Variants in SLC39A11 observed in about 807,000 individuals in gnomAD.
SLC39A11 encodes the protein solute carrier family 39 member 11.
SLC39A11 carries 33 observed loss-of-function variants against 36.1 expected under a neutral mutation model. The observed-to-expected ratio is 0.91, with a 90% confidence interval of 0.69 to 1.22. SLC39A11 has a LOEUF of 1.22. SLC39A11 is among the 50% of genes most tolerant of loss of function. SLC39A11 has a pLI of 0.00. For missense variants in SLC39A11, 432 were observed against 430.3 expected (o/e 1.00, Z -0.03); for synonymous variants, 166 against 170.3 (o/e 0.97, Z 0.20).
At chr17:72,744,209 T>C (rs1372793065) in intron 6 of SLC39A11, among the ~76,000 whole-genome samples, 2 of 152,232 alleles carry the variant, frequency 1.3e-5, no homozygotes, top group Non-Finnish European at 2.9e-5. Context: ...ACAGGATGGC[T>C]GTGTTCAATG....
intron 4 of SLC39A11, among the ~76,000 whole-genome samples, chr17:72,954,518 C>T (rs1277439227): frequency 4.6e-5 from 7 of 152,174 alleles, no homozygotes; most frequent in African/African-American, 1.7e-4. Context: ...TGCCTGGGGC[C>T]CAGCATAGGT....
rs377743641 is a variant in SLC39A11 at position 72,677,007 on chromosome 17, G to A, written c.672-27739C>T. On this transcript the variant is annotated intron_variant, in intron 7 of 9. Transcript: ENST00000255559. Reference sequence around the variant, plus strand: ...TTTTCTTTGCTGCTTTTGCTTTGTAGCTTCTCACTAGAATACATCTCAGCT... The same window carrying A: ...TTTTCTTTGCTGCTTTTGCTTTGTAACTTCTCACTAGAATACATCTCAGCT... Among the ~76,000 whole-genome samples the A allele has an allele frequency of 1.1e-3, 173 of 152,286 alleles. 1 individual carries two copies. Among genetic ancestry groups the A allele is most frequent in the African/African-American group, 3.8e-3 (159 of 41,544 alleles).
rs373410720 is a variant in SLC39A11 at position 72,717,743 on chromosome 17, T to A, written c.671+18907A>T. Among the ~76,000 whole-genome samples the A allele has an allele frequency of 9.2e-5, 14 of 152,352 alleles. No individual in the cohort carries two copies. The East Asian group carries it at 2.7e-3, about 29-fold the overall frequency. On this transcript the variant is annotated intron_variant, in intron 7 of 9. Coordinates refer to ENST00000255559, the MANE Select transcript of SLC39A11 (RefSeq NM_139177.4). ...CAGGTCCTGGGGATTAAGACTTCCATACCTTTCTGGGGTGCATGACTTCAG... is the reference window on the plus strand; with the variant it reads ...CAGGTCCTGGGGATTAAGACTTCCAAACCTTTCTGGGGTGCATGACTTCAG...
At chr17:73,077,901 T>A (rs1033717998) in intron 3 of SLC39A11, among the ~76,000 whole-genome samples, 19 of 152,208 alleles carry the variant, frequency 1.2e-4, no homozygotes, top group African/African-American at 4.3e-4. Flanking sequence ...TGTTTTATTT[T>A]GGTTTTTGTC....
chr17:72,932,122 T>C (rs1260477808), intron 5 of SLC39A11, among the ~76,000 whole-genome samples: 1 of 152,074 alleles, frequency 6.6e-6, no homozygotes, highest in Non-Finnish European at 1.5e-5. Context: ...TAACATTCAT[T>C]GAGAGCATAC....
chr17:72,668,836 A>T (rs1354599596), intron 7 of SLC39A11, among the ~76,000 whole-genome samples: 3 of 152,338 alleles, frequency 2.0e-5, no homozygotes, highest in East Asian at 3.9e-4. Context: ...CCCTGTTGAA[A>T]ACTGCATCCT....
At position 73,069,479 on chromosome 17, in the gene SLC39A11, C is replaced by T. The variant is rs1372397007; in HGVS notation, c.147+15329G>A. Among the ~76,000 whole-genome samples the T allele has an allele frequency of 2.0e-5, 3 of 152,202 alleles. No homozygotes were observed. The East Asian group carries it at 5.8e-4, about 29-fold the overall frequency. ...CTCCCACATTCTGAGCAGCTGTTCT[C>T]CAAAGAAAGAAACAAATGGTTATTC... On this transcript the variant is annotated intron_variant, in intron 3 of 9. Coordinates refer to ENST00000255559, the MANE Select transcript of SLC39A11 (RefSeq NM_139177.4).
chr17:72,751,648 G>T (rs757391708), intron 6 of SLC39A11, among the ~76,000 whole-genome samples: 4 of 152,024 alleles, frequency 2.6e-5, no homozygotes, highest in Non-Finnish European at 5.9e-5. Context: ...CATGATCTCA[G>T]CTCACTGCAA....
intron 5 of SLC39A11, among the ~76,000 whole-genome samples, chr17:72,880,480 G>C (rs1332485302): frequency 6.6e-6 from 1 of 152,128 alleles, no homozygotes; most frequent in Non-Finnish European, 1.5e-5. Context: ...ACTGATGTGT[G>C]AGGATAACTT....
intron 7 of SLC39A11, among the ~76,000 whole-genome samples, chr17:72,677,665 G>T (rs1437693403): frequency 6.6e-6 from 1 of 152,170 alleles, no homozygotes; most frequent in Non-Finnish European, 1.5e-5. Flanking sequence ...GTTTGTTAAA[G>T]CACAGACCGT....
intron 7 of SLC39A11, among the ~76,000 whole-genome samples, chr17:72,691,475 G>A (rs1299412394): frequency 6.6e-6 from 1 of 152,188 alleles, no homozygotes; most frequent in Non-Finnish European, 1.5e-5. Flanking sequence ...TCACTTGACA[G>A]TTACTTACTG....
At chr17:72,963,031 C>T (rs2147946537) in intron 4 of SLC39A11, among the ~76,000 whole-genome samples, 1 of 152,258 alleles carries the variant, frequency 6.6e-6, no homozygotes, top group African/African-American at 2.4e-5. Flanking sequence ...GCCAGGCCCA[C>T]CCAGGATAAT....
At chr17:72,670,018 G>GTATAGATGTATATACACATATATATACA (rs2070934118) in intron 7 of SLC39A11, among the ~76,000 whole-genome samples, 2 of 137,800 alleles carry the variant, frequency 1.5e-5, no homozygotes, top group African/African-American at 2.7e-5. Flanking sequence ...ATATATATAC[G>GTATAGATGTATATACACATATATATACA]TATAGATGTA....
At chr17:72,847,811 G>A (rs1335129154) in intron 6 of SLC39A11, among the ~76,000 whole-genome samples, 1 of 152,136 alleles carries the variant, frequency 6.6e-6, no homozygotes, top group Admixed American at 6.6e-5. Flanking sequence ...CAGAAGACAA[G>A]GGATCAACAT....
chr17:72,938,408 T>G (rs1378848153), intron 5 of SLC39A11, among the ~76,000 whole-genome samples: 5 of 152,224 alleles, frequency 3.3e-5, no homozygotes, highest in Non-Finnish European at 2.9e-5. Context: ...TTCCAGTAAC[T>G]GCTGTCAATT....
intron 3 of SLC39A11, among the ~76,000 whole-genome samples, chr17:73,079,621 A>G (rs1018476684): frequency 6.6e-6 from 1 of 152,210 alleles, no homozygotes; most frequent in East Asian, 1.9e-4. Flanking sequence ...CTTCTATTCA[A>G]CATAGTACTA....
At chr17:72,928,964 G>A (rs911103287) in intron 5 of SLC39A11, among the ~76,000 whole-genome samples, 3 of 152,198 alleles carry the variant, frequency 2.0e-5, no homozygotes, top group African/African-American at 4.8e-5. Flanking sequence ...CTGTGAACCC[G>A]CATTGGTGTG....
chr17:72,874,401 G>A (rs1229882323), intron 5 of SLC39A11, among the ~76,000 whole-genome samples: 1 of 152,100 alleles, frequency 6.6e-6, no homozygotes, highest in East Asian at 1.9e-4. Flanking sequence ...ATGATTTTGT[G>A]GGAAAGCTCC....
chr17:72,692,036 A>G (rs2072052771), intron 7 of SLC39A11, among the ~76,000 whole-genome samples: 1 of 142,690 alleles, frequency 7.0e-6, no homozygotes. Flanking sequence ...TTTGAGGCGG[A>G]GTCTCGCTCT....
Sources: allele counts gnomAD v4.1 joint callset (sites outside exome capture counted in the v4.1 genomes callset), GRCh38; gene constraint gnomAD v4.1.1; transcripts MANE v1.5; gene names NCBI Gene and HGNC (gene_info 2026-07-23, HGNC 2026-07-21).